The following TLK2 variants were observed in gnomAD, a reference collection of about 807,000 sequenced individuals.
The protein encoded by TLK2 is serine/threonine-protein kinase tousled-like 2.
TLK2 carries 6 observed loss-of-function variants against 117.3 expected under a neutral mutation model. The observed-to-expected ratio is 0.05, with a 90% CI of 0.03 to 0.10. The LOEUF is 0.10. TLK2 is among the 10% of genes least tolerant of loss of function. TLK2 has a pLI of 1.00. For synonymous variants in TLK2, 257 were observed against 316.7 expected, an observed-to-expected ratio of 0.81 and a Z score of 2.00; for missense variants, 299 against 901.2, an observed-to-expected ratio of 0.33 and a Z score of 8.56.
intron 9 of TLK2, among the ~76,000 whole-genome samples, chr17:62,555,444 C>G (rs901227562): frequency 6.6e-6 from 1 of 151,366 alleles, no homozygotes; most frequent in Non-Finnish European, 1.5e-5. Flanking sequence ...CTAAGTCTGG[C>G]CTTTATTAGT....
At chr17:62,592,073 G>A (rs894054684) in intron 16 of TLK2, among the ~76,000 whole-genome samples, 1 of 151,742 alleles carries the variant, frequency 6.6e-6, no homozygotes, top group Non-Finnish European at 1.5e-5. Context: ...CCCTGCCTCA[G>A]CCTCTTGAGT....
At chr17:62,593,791 A>ATTTTT (rs1387305200) in intron 16 of TLK2, among the ~76,000 whole-genome samples, 1 of 134,766 alleles carries the variant, frequency 7.4e-6, no homozygotes, top group Admixed American at 7.6e-5. Context: ...TACACTCTAA[A>ATTTTT]TTTTTTTTTT....
At chr17:62,492,561 G>T (rs376906052) in intron 2 of TLK2, among the ~76,000 whole-genome samples, 2 of 151,810 alleles carry the variant, frequency 1.3e-5, no homozygotes, top group Non-Finnish European at 2.9e-5. Flanking sequence ...AGGTTCAAGC[G>T]ATTCTCCTGC....
At chr17:62,557,389 T>C (rs2078939645) in intron 9 of TLK2, among the ~76,000 whole-genome samples, 1 of 152,258 alleles carries the variant, frequency 6.6e-6, no homozygotes, top group Non-Finnish European at 1.5e-5. Context: ...TCTTTTGATT[T>C]CTATGGGTGA....
chr17:62,599,163 T>G (rs572656918), intron 17 of TLK2, among the ~76,000 whole-genome samples: 1 of 152,186 alleles, frequency 6.6e-6, no homozygotes, highest in South Asian at 2.1e-4. Flanking sequence ...GCCAGGCTGG[T>G]CTCAAACTCC....
intron 10 of TLK2, among the ~76,000 whole-genome samples, chr17:62,562,453 C>G (rs1461309098): frequency 6.6e-6 from 1 of 152,116 alleles, no homozygotes; most frequent in East Asian, 1.9e-4. Context: ...ACTCTTATAA[C>G]TTAATCATAA....
intron 7 of TLK2, among the ~76,000 whole-genome samples, chr17:62,547,850 G>C (rs1567894432): frequency 6.6e-6 from 1 of 152,120 alleles, no homozygotes; most frequent in African/African-American, 2.4e-5. Flanking sequence ...ATCCAGCACA[G>C]ACAGACCCGG....
In TLK2 at chr17:62,508,360, C is replaced by G. The variant is rs569237621; in HGVS notation, c.82-12413C>G. ...AACTTAAATAATGTGGACAAAGAAG[C>G]ATTTAATGTACAAGAGTATGAATTT... On this transcript the variant is annotated intron_variant, in intron 2 of 21. Coordinates refer to ENST00000346027, the MANE Select transcript of TLK2 (RefSeq NM_006852.6). The G allele has an allele frequency of 2.4e-5, 19 of 778,196 alleles. No homozygotes were observed. The South Asian group carries it at 1.1e-3, about 46-fold the overall frequency. The allele number at this position is 778,196 out of a possible 1,614,324, so 48.2% of individuals were successfully genotyped here. A position where few individuals can be genotyped will look rare whatever the true frequency, so the allele number is the denominator to read the frequency against.
At chr17:62,544,353 C>CA (rs1400748856) in intron 7 of TLK2, among the ~76,000 whole-genome samples, 1 of 152,148 alleles carries the variant, frequency 6.6e-6, no homozygotes, top group Admixed American at 6.6e-5. Context: ...GAGAAGCAAG[C>CA]ACCTTCTTCT....
chr17:62,559,502 C>T (rs2079101722), intron 9 of TLK2, among the ~76,000 whole-genome samples: 1 of 151,764 alleles, frequency 6.6e-6, no homozygotes, highest in Non-Finnish European at 1.5e-5. Flanking sequence ...CTCAGCCTCC[C>T]GAGTAGCTGG....
intron 2 of TLK2, among the ~76,000 whole-genome samples, chr17:62,519,579 G>A (rs1426920510): frequency 2.0e-5 from 3 of 152,008 alleles, no homozygotes; most frequent in Admixed American, 6.6e-5. Flanking sequence ...TTCGGGAGGC[G>A]GAGGCGGGTG....
chr17:62,486,901 C>A (rs1226800991), intron 2 of TLK2, among the ~76,000 whole-genome samples: 2 of 152,346 alleles, frequency 1.3e-5, no homozygotes, highest in African/African-American at 4.8e-5. Context: ...TCACATTGCT[C>A]CCACCAGTTG....
rs534202077 is a variant in TLK2, at chr17:62,540,400, ATTTTTTTTTT to A, written c.531+4077_531+4086del. Among the ~76,000 whole-genome samples, 3 of 19,990 alleles carry A rather than the reference ATTTTTTTTTT, an allele frequency of 1.5e-4. 1 individual carries two copies. Among genetic ancestry groups the A allele is most frequent in the Non-Finnish European group, 6.6e-4 (3 of 4,526 alleles). 13.1% of individuals were successfully genotyped at this position (19,990 alleles called of 152,430 possible). A position where few individuals can be genotyped will look rare whatever the true frequency, so the allele number is the denominator to read the frequency against. On this transcript the variant is annotated intron_variant, in intron 7 of 21. Transcript: ENST00000346027. ...ATTTTACCTTCAAAATATGTTCAGA[ATTTTTTTTTT>A]TTTTTTTTTTTTTGAGACAGAGTCT...
At chr17:62,505,766 A>T (rs1445889809) in intron 2 of TLK2, among the ~76,000 whole-genome samples, 4 of 152,176 alleles carry the variant, frequency 2.6e-5, no homozygotes, top group Admixed American at 2.6e-4. Context: ...ATCAAGGCTG[A>T]CTGCAACCTC....
rs1453321936 is a variant in TLK2 at position 62,549,166 on chromosome 17, G to T, written c.532-3136G>T. Reference sequence around the variant, plus strand: ...CCCAGCACTTTGGGAGGCCGAGGTGGGGGGATCATGAGGTCAGGAGATCGA... The same window carrying T: ...CCCAGCACTTTGGGAGGCCGAGGTGTGGGGATCATGAGGTCAGGAGATCGA... On this transcript the variant is annotated intron_variant, in intron 7 of 21. Transcript: ENST00000346027. Among the ~76,000 whole-genome samples, 6 of 148,410 alleles carry T rather than the reference G, an allele frequency of 4.0e-5. No individual in the cohort carries two copies. In the East Asian group the frequency reaches 1.0e-3, roughly 25 times the overall value.
chr17:62,564,135 G>A (rs1360947409), intron 10 of TLK2, among the ~76,000 whole-genome samples: 2 of 152,196 alleles, frequency 1.3e-5, no homozygotes, highest in East Asian at 3.9e-4. Context: ...GGGTGCAGTA[G>A]CTTAGGCCTG....
intron 2 of TLK2, among the ~76,000 whole-genome samples, chr17:62,485,916 GT>G (rs1359191361): frequency 2.0e-5 from 3 of 151,276 alleles, no homozygotes; most frequent in Non-Finnish European, 4.4e-5. Flanking sequence ...CGCCTCCCAG[GT>G]TCACGCCATT....
At position 62,553,593 on chromosome 17, in the gene TLK2, A is replaced by G. The variant is rs539931415; in HGVS notation, c.628-70A>G. The stretch of plus-strand genomic sequence containing the variant: ...TTTTCCCACCCCCCCGAGAAAGGTA[A>G]TGAGAAGAGTGTGATGACATATAAC... On this transcript the variant is annotated intron_variant, in intron 8 of 21. Transcript: ENST00000346027. 3.8e-6 allele frequency: 4 copies of G among 1,063,410 alleles called. No individual in the cohort carries two copies. The Admixed American group carries it at 5.6e-5, about 15-fold the overall frequency. The allele number at this position is 1,063,410 out of a possible 1,614,324, so 65.9% of individuals were successfully genotyped here.
intron 1 of TLK2, among the ~76,000 whole-genome samples, chr17:62,471,444 T>TA (rs1269965726): frequency 2.6e-5 from 4 of 152,168 alleles, no homozygotes; most frequent in African/African-American, 4.8e-5. Context: ...TCAATCTAAT[T>TA]AAGGCAAAAA....
Sources: allele counts gnomAD v4.1 joint callset (sites outside exome capture counted in the v4.1 genomes callset), GRCh38; gene constraint gnomAD v4.1.1; transcripts MANE v1.5; gene names NCBI Gene and HGNC (gene_info 2026-07-23, HGNC 2026-07-21).